MPRIP: variants seen among roughly 807,000 people sequenced by gnomAD.
MPRIP encodes myosin phosphatase Rho-interacting protein.
A neutral mutation model predicts 234.9 loss-of-function variants in MPRIP; 59 were observed. The observed-to-expected ratio is 0.25, with a 90% CI of 0.20 to 0.31. The LOEUF is 0.31. Among genes scored for constraint, MPRIP ranks in the 10% least tolerant of loss-of-function variants. The pLI is 1.00. For missense variants in MPRIP, 2,436 were observed against 3,071.0 expected, an observed-to-expected ratio of 0.79 and a Z score of 4.89; for synonymous variants, 1,144 against 1,263.9, an observed-to-expected ratio of 0.91 and a Z score of 2.01.
chr17:17,084,735 T>A (rs376751697), intron 3 of MPRIP, among the ~76,000 whole-genome samples: 1 of 152,230 alleles, frequency 6.6e-6, no homozygotes, highest in African/African-American at 2.4e-5. Context: ...GTTTGTCTGT[T>A]GCTGCAGACT....
intron 1 of MPRIP, among the ~76,000 whole-genome samples, chr17:17,045,310 A>G (rs1037732542): frequency 1.3e-5 from 2 of 152,042 alleles, no homozygotes; most frequent in African/African-American, 4.8e-5. Flanking sequence ...TTTTGGTTTG[A>G]GGTTTATTTC....
chr17:17,169,055 C>T (rs1262391188), intron 16 of MPRIP: 1 of 453,074 alleles, frequency 2.2e-6, no homozygotes, highest in Non-Finnish European at 4.4e-6. Context: ...CAGCGAGCAC[C>T]TCAGGAGAAC....
In MPRIP at chr17:17,167,967, G is replaced by T; in HGVS notation, c.6324+52G>T. The T allele has an allele frequency of 8.0e-7, 1 of 1,249,320 alleles. No individual in the cohort carries two copies. The highest frequency in any genetic ancestry group is 1.0e-6 in the Non-Finnish European group (1 of 957,198). 77.4% of individuals were successfully genotyped at this position (1,249,320 alleles called of 1,614,324 possible). On this transcript the variant is annotated intron_variant, in intron 16 of 23. Transcript: ENST00000651222. This position sits in a 1 kb window ranked among gnomAD's most constrained non-coding sequence, Gnocchi z 5.9. Reference sequence around the variant, plus strand: ...AGCAGATCTTCCTTGATAATGGGGTGGGTGTGGGGACGTCTGGCTCAGCTA... The same window carrying T: ...AGCAGATCTTCCTTGATAATGGGGTTGGTGTGGGGACGTCTGGCTCAGCTA...
chr17:17,120,459 T>TGGACAGAGGACCGGCAGGAGGA (rs2090367628), intron 3 of MPRIP, among the ~76,000 whole-genome samples: 1 of 152,150 alleles, frequency 6.6e-6, no homozygotes, highest in South Asian at 2.1e-4. Context: ...CATGGGCCTG[T>TGGACAGAGGACCGGCAGGAGGA]GGACAGAGGA....
At chr17:17,136,106 T>C in intron 5 of MPRIP, 113 bp from the exon 6 acceptor site, 1 of 1,082,386 alleles carries the variant, frequency 9.2e-7, no homozygotes, top group Non-Finnish European at 1.4e-6. Context: ...TCCAGGCCCC[T>C]GACATTGTGT....
At position 17,166,429 on chromosome 17, in the gene MPRIP, A is replaced by G; in HGVS notation, c.4838A>G (p.Asp1613Gly). 2 of 1,304,380 alleles carry G rather than the reference A, an allele frequency of 1.5e-6. No homozygotes were observed. The highest frequency in any genetic ancestry group is 2.0e-6 in the Non-Finnish European group (2 of 988,986). The allele number at this position is 1,304,380 out of a possible 1,614,324, so 80.8% of individuals were successfully genotyped here. Residue 1613 changes from aspartate to glycine, a missense_variant, in exon 16 of 24, where the codon GAC (aspartate) becomes GGC (glycine). Coordinates refer to ENST00000651222, the MANE Select transcript of MPRIP (RefSeq NM_001364716.4). The surrounding 1 kb of genome is among the most constrained non-coding windows in gnomAD (Gnocchi z 4.4). ...ATGGAATCTGCTGGGGCCCCCGTAGACACCTGGGCCAGGAAGGTCCTAGTG... is the reference window on the plus strand; with the variant it reads ...ATGGAATCTGCTGGGGCCCCCGTAGGCACCTGGGCCAGGAAGGTCCTAGTG... ...PPMESAGAPV[D>G]TWARKVLVDG... is the part of the protein sequence containing the mutation.
At chr17:17,169,748 C>T (rs986549209) in intron 16 of MPRIP, among the ~76,000 whole-genome samples, 4 of 152,226 alleles carry the variant, frequency 2.6e-5, no homozygotes, top group Admixed American at 2.0e-4. Flanking sequence ...TGCAGATTTC[C>T]ACTTGGGTCG....
intron 3 of MPRIP, among the ~76,000 whole-genome samples, chr17:17,091,895 C>G (rs2089727348): frequency 6.6e-6 from 1 of 152,222 alleles, no homozygotes; most frequent in Non-Finnish European, 1.5e-5. Flanking sequence ...AACAGCCCCA[C>G]TCCAGTGGAC....
chr17:17,055,149 C>CA (rs1180744429), intron 1 of MPRIP, among the ~76,000 whole-genome samples: 4 of 152,056 alleles, frequency 2.6e-5, no homozygotes, highest in Non-Finnish European at 5.9e-5. Context: ...TTCTGTGCCC[C>CA]TGTCAAGCCC....
At chr17:17,160,941 G>A (rs1006080829) in intron 14 of MPRIP, among the ~76,000 whole-genome samples, 4 of 152,240 alleles carry the variant, frequency 2.6e-5, no homozygotes, top group East Asian at 1.9e-4. Flanking sequence ...GGGCGTGCAT[G>A]TTGGAACCTT....
intron 12 of MPRIP, among the ~76,000 whole-genome samples, chr17:17,151,661 G>A (rs1597466931): frequency 6.6e-6 from 1 of 152,238 alleles, no homozygotes; most frequent in East Asian, 1.9e-4. Flanking sequence ...TGTCTTGTCA[G>A]CATGAAGTGT....
rs1555603013 is a variant in MPRIP, at chr17:17,192,427, T to TGGGGG, written c.*7544_*7548dup. 10 of 4,804 alleles carry TGGGGG rather than the reference T, an allele frequency of 2.1e-3. 1 individual carries two copies. In the East Asian group the frequency reaches 0.039, roughly 19 times the overall value. 0.3% of individuals were successfully genotyped at this position (4,804 alleles called of 1,614,324 possible). Reference sequence around the variant, plus strand: ...ACCAGCTGAGCTGCTGCTTTTTTTTTGGGGGGGGGGGGGGGAGGGGCGTCT... The same window carrying TGGGGG: ...ACCAGCTGAGCTGCTGCTTTTTTTTTGGGGGGGGGGGGGGGGGGGGAGGGGCGTCT... On this transcript the variant is annotated 3_prime_UTR_variant, in exon 24 of 24. Transcript: ENST00000651222.
intron 1 of MPRIP, among the ~76,000 whole-genome samples, chr17:17,073,806 G>A (rs895191800): frequency 2.0e-4 from 31 of 152,288 alleles, no homozygotes; most frequent in African/African-American, 7.2e-4. Context: ...ACCTCTCCTC[G>A]CCTTTGCTTC....
intron 1 of MPRIP, chr17:17,057,686 A>G (rs1341522360): frequency 5.6e-6 from 4 of 717,988 alleles, no homozygotes; most frequent in Non-Finnish European, 7.8e-6. Context: ...TATATGATGC[A>G]CGAATGTTCT....
At chr17:17,160,195 G>A (rs1328595655) in intron 14 of MPRIP, among the ~76,000 whole-genome samples, 1 of 152,042 alleles carries the variant, frequency 6.6e-6, no homozygotes, top group African/African-American at 2.4e-5. Flanking sequence ...GTGAAACCCC[G>A]TCTCTACTAA....
At chr17:17,044,648 T>C (rs1027928620) in intron 1 of MPRIP, among the ~76,000 whole-genome samples, 5 of 152,146 alleles carry the variant, frequency 3.3e-5, no homozygotes, top group Admixed American at 2.0e-4. Flanking sequence ...ACTGTCAAAA[T>C]TGGTAAATTT....
intron 1 of MPRIP, among the ~76,000 whole-genome samples, chr17:17,054,660 ATTC>A (rs1010499996): frequency 1.3e-5 from 2 of 150,676 alleles, no homozygotes; most frequent in African/African-American, 4.9e-5. Context: ...GGGTGCAGGA[ATTC>A]TTTTTTTTTT....
intron 1 of MPRIP, among the ~76,000 whole-genome samples, chr17:17,073,247 C>T (rs1020982278): frequency 2.0e-5 from 3 of 152,104 alleles, no homozygotes; most frequent in Non-Finnish European, 4.4e-5. Context: ...CTGCGCCGCC[C>T]GCCCACCTGC....
At chr17:17,182,403 C>T (rs1042164108) in intron 23 of MPRIP, 7 of 152,202 alleles carry the variant, frequency 4.6e-5, no homozygotes, top group African/African-American at 9.7e-5. Context: ...ATGCTTCCCT[C>T]GGGGTTCTTA....
Sources: allele counts gnomAD v4.1 joint callset (sites outside exome capture counted in the v4.1 genomes callset), GRCh38; gene constraint gnomAD v4.1.1; non-coding constraint Gnocchi (gnomAD v3.1); transcripts MANE v1.5; gene names NCBI Gene and HGNC (gene_info 2026-07-23, HGNC 2026-07-21).